The following TAFA1 variants were observed in gnomAD, a reference collection of about 807,000 sequenced individuals.
TAFA1 encodes TAFA chemokine like family member 1.
Under a neutral mutation model 18.5 loss-of-function variants are expected in TAFA1, and 4 were observed. The ratio of observed to expected loss-of-function variants is 0.22; its 90% CI spans 0.11 to 0.49. The LOEUF (loss-of-function observed/expected upper bound fraction) is 0.49. TAFA1 is among the 20% of genes least tolerant of loss of function. TAFA1 has a pLI of 0.98. For synonymous variants in TAFA1, 56 were observed against 55.2 expected, an observed-to-expected ratio of 1.01 and a Z score of -0.06; for missense variants, 147 against 169.0, an observed-to-expected ratio of 0.87 and a Z score of 0.72.
chr3:68,039,678 T>C (rs1345276660), intron 2 of TAFA1, among the ~76,000 whole-genome samples: 2 of 152,054 alleles, frequency 1.3e-5, no homozygotes, highest in Non-Finnish European at 2.9e-5. Flanking sequence ...GAAACAAGGA[T>C]TTGAGTCAGG....
chr3:68,470,015 A>G (rs1019883119), intron 3 of TAFA1, among the ~76,000 whole-genome samples: 1 of 152,152 alleles, frequency 6.6e-6, no homozygotes, highest in African/African-American at 2.4e-5. Context: ...TCTCACCTTG[A>G]ATTATAATCA....
intron 3 of TAFA1, among the ~76,000 whole-genome samples, chr3:68,477,620 A>G (rs1021976437): frequency 2.0e-5 from 3 of 152,090 alleles, no homozygotes; most frequent in Non-Finnish European, 2.9e-5. Flanking sequence ...TCCTCAAGTC[A>G]TCTGCCCACC....
In TAFA1 at chr3:68,327,953, A is replaced by G. The variant is rs560183572; in HGVS notation, c.119-89327A>G. Among the ~76,000 whole-genome samples the G allele has an allele frequency of 7.2e-5, 11 of 152,280 alleles. No individual in the cohort carries two copies. In the East Asian group the frequency reaches 2.1e-3, roughly 29 times the overall value. ...TGTAGCATTTTATGGTATGGAGAAA[A>G]TTTTAATGGAGGCATCTGGGTATTG... On this transcript the variant is annotated intron_variant, in intron 2 of 4. Transcript: ENST00000478136.
At chr3:68,223,365 T>G (rs2066755793) in intron 2 of TAFA1, among the ~76,000 whole-genome samples, 1 of 152,196 alleles carries the variant, frequency 6.6e-6, no homozygotes, top group South Asian at 2.1e-4. Context: ...GTTAAATACT[T>G]TATATACACC....
intron 2 of TAFA1, among the ~76,000 whole-genome samples, chr3:68,208,471 C>T (rs767292107): frequency 6.6e-6 from 1 of 151,838 alleles, no homozygotes; most frequent in Non-Finnish European, 1.5e-5. Flanking sequence ...CTCATTTTTC[C>T]ACCACTGCAT....
At chr3:68,069,116 A>G (rs2064719837) in intron 2 of TAFA1, among the ~76,000 whole-genome samples, 1 of 152,222 alleles carries the variant, frequency 6.6e-6, no homozygotes, top group Non-Finnish European at 1.5e-5. Context: ...ACTTTGGAAA[A>G]TAATGGTTTG....
rs543995013 is a variant in TAFA1 at position 68,145,616 on chromosome 3, G to C, written c.118+138872G>C. The C allele has an allele frequency of 2.8e-5, 40 of 1,453,528 alleles. No individual in the cohort carries two copies. The African/African-American group carries it at 4.8e-4, about 18-fold the overall frequency. The allele number at this position is 1,453,528 out of a possible 1,614,324, so 90.0% of individuals were successfully genotyped here. A position where few individuals can be genotyped will look rare whatever the true frequency, so the allele number is the denominator to read the frequency against. ...GTTAGCCAGACTGACGGATTATGTG[G>C]CTTTCCTTGAAGACTGACTTATCAC... On this transcript the variant is annotated intron_variant, in intron 2 of 4. Coordinates refer to ENST00000478136, the MANE Select transcript of TAFA1 (RefSeq NM_213609.4).
At chr3:68,440,822 C>A (rs995857165) in intron 3 of TAFA1, among the ~76,000 whole-genome samples, 3 of 152,146 alleles carry the variant, frequency 2.0e-5, no homozygotes, top group Non-Finnish European at 2.9e-5. Context: ...TAATACAGGT[C>A]AGTCACCGCA....
intron 2 of TAFA1, among the ~76,000 whole-genome samples, chr3:68,036,163 AG>A (rs1281664772): frequency 6.6e-6 from 1 of 152,152 alleles, no homozygotes; most frequent in Non-Finnish European, 1.5e-5. Flanking sequence ...TTTTACAGCC[AG>A]GCACGCTGTC....
intron 2 of TAFA1, among the ~76,000 whole-genome samples, chr3:68,394,301 A>G (rs1472383700): frequency 6.6e-6 from 1 of 152,196 alleles, no homozygotes; most frequent in Non-Finnish European, 1.5e-5. Flanking sequence ...GAAATAAGAG[A>G]GGACACAAAC....
chr3:68,293,741 G>C (rs2068156800), intron 2 of TAFA1, among the ~76,000 whole-genome samples: 1 of 152,150 alleles, frequency 6.6e-6, no homozygotes, highest in Admixed American at 6.5e-5. Context: ...ACAGAAGTCA[G>C]GGCAAAGAAG....
At chr3:68,456,603 G>A (rs577508120) in intron 3 of TAFA1, among the ~76,000 whole-genome samples, 19 of 152,076 alleles carry the variant, frequency 1.2e-4, no homozygotes, top group South Asian at 6.2e-4. Flanking sequence ...TTTGTTTTAC[G>A]CTGTCAGGTA....
chr3:68,074,441 C>G (rs79943228), intron 2 of TAFA1, among the ~76,000 whole-genome samples: 2,533 of 152,180 alleles, frequency 0.017, 74 homozygotes, highest in African/African-American at 0.058. Context: ...AGGTTGTATC[C>G]CAGTGTAACT....
intron 2 of TAFA1, among the ~76,000 whole-genome samples, chr3:68,166,126 A>C (rs2065979610): frequency 6.6e-6 from 1 of 152,222 alleles, no homozygotes; most frequent in African/African-American, 2.4e-5. Flanking sequence ...GCCAATACTG[A>C]AATTCAGTGT....
chr3:68,316,559 C>A (rs1248413183), intron 2 of TAFA1, among the ~76,000 whole-genome samples: 2 of 152,114 alleles, frequency 1.3e-5, no homozygotes, highest in Non-Finnish European at 2.9e-5. Flanking sequence ...TCCTTTCAGA[C>A]AAAGGAAAGT....
At chr3:68,451,298 A>T (rs1003465986) in intron 3 of TAFA1, among the ~76,000 whole-genome samples, 4 of 152,226 alleles carry the variant, frequency 2.6e-5, no homozygotes, top group Non-Finnish European at 1.5e-5. Context: ...AGTCCTCAAT[A>T]AACGTCTGTT....
intron 2 of TAFA1, among the ~76,000 whole-genome samples, chr3:68,119,290 T>C (rs1471735859): frequency 6.6e-6 from 1 of 152,200 alleles, no homozygotes; most frequent in Non-Finnish European, 1.5e-5. Context: ...ATTAACTCTT[T>C]ATCAGATACA....
chr3:68,233,167 C>A (rs1602554), intron 2 of TAFA1, among the ~76,000 whole-genome samples: 99,268 of 151,854 alleles, frequency 0.65, 32,781 homozygotes, highest in Middle Eastern at 0.8. Context: ...AGAAATTTCT[C>A]TTCAGATACT....
chr3:68,127,405 A>G (rs1032696095), intron 2 of TAFA1, among the ~76,000 whole-genome samples: 2 of 152,162 alleles, frequency 1.3e-5, no homozygotes, highest in Non-Finnish European at 2.9e-5. Context: ...TTTGTCTAAT[A>G]TCTTGCTAGC....
Sources: allele counts gnomAD v4.1 joint callset (sites outside exome capture counted in the v4.1 genomes callset), GRCh38; gene constraint gnomAD v4.1.1; transcripts MANE v1.5; gene names NCBI Gene and HGNC (gene_info 2026-07-23, HGNC 2026-07-21).